The following ENKUR variants were observed in gnomAD, a reference collection of about 807,000 sequenced individuals.
The protein encoded by ENKUR is enkurin, TRPC channel interacting protein, also known as enkurin.
In ENKUR, 19 loss-of-function variants were observed where a neutral mutation model predicts 27.6. The observed-to-expected ratio is 0.69, with a 90% CI of 0.48 to 1.01. The LOEUF is 1.01. Ranked by LOEUF, ENKUR falls within the 50% of genes least tolerant of loss-of-function variation. ENKUR has a pLI of 0.00. For synonymous variants in ENKUR, 117 were observed against 96.9 expected (o/e 1.21, Z -1.22); for missense variants, 312 against 310.5 (o/e 1.00, Z -0.04).
chr10:25,027,153 G>A (rs189460397), intron 2 of ENKUR, among the ~76,000 whole-genome samples: 3,594 of 150,416 alleles, frequency 0.024, 136 homozygotes, highest in African/African-American at 0.083. Flanking sequence ...TCAGGAGTTC[G>A]AGACCAGCCT....
At chr10:25,042,363 C>T (rs969469600) in intron 2 of ENKUR, among the ~76,000 whole-genome samples, 1 of 151,192 alleles carries the variant, frequency 6.6e-6, no homozygotes, top group African/African-American at 2.4e-5. Flanking sequence ...ATCTCAGCAT[C>T]AGCTCACTGC....
rs117163433 is a variant in ENKUR at position 25,061,931 on chromosome 10, A to G, written c.-222+251T>C. Among the ~76,000 whole-genome samples, 671 of 152,246 alleles carry G rather than the reference A, an allele frequency of 4.4e-3. 6 individuals carry two copies. Among genetic ancestry groups the G allele is most frequent in the Non-Finnish European group, 7.4e-3 (500 of 68,008 alleles). ...GTTACTGGCACATGGAAGGCACCCA[A>G]TATGTATTTGCTGAGTCAGACTGCA... On this transcript the variant is annotated intron_variant, in intron 1 of 5. Transcript: ENST00000615958.
intron 2 of ENKUR, among the ~76,000 whole-genome samples, chr10:25,043,387 T>G (rs1851085840): frequency 6.6e-6 from 1 of 152,188 alleles, no homozygotes; most frequent in Non-Finnish European, 1.5e-5. Context: ...CTAATTATAA[T>G]TAATTTTTAA....
intron 2 of ENKUR, chr10:25,061,038 G>C (rs1324200461): frequency 2.2e-6 from 3 of 1,394,892 alleles, no homozygotes; most frequent in Non-Finnish European, 2.9e-6. Flanking sequence ...GATGAGACAA[G>C]GATATCTCTA....
rs528576316 is a variant in ENKUR at position 25,033,345 on chromosome 10, C to T, written c.37+27767G>A. On this transcript the variant is annotated intron_variant, in intron 2 of 5. Transcript: ENST00000615958. The stretch of plus-strand genomic sequence containing the variant: ...CTTGGGCTCAGGAATTTGAGGTTGC[C>T]GTGAGCTATGATTGTGCCACAGGTC... Among the ~76,000 whole-genome samples, 12 of 139,382 alleles carry T rather than the reference C, an allele frequency of 8.6e-5. No homozygotes were observed. The South Asian group carries it at 1.8e-3, about 21-fold the overall frequency. The allele number at this position is 139,382 out of a possible 152,430, so 91.4% of individuals were successfully genotyped here.
intron 2 of ENKUR, among the ~76,000 whole-genome samples, chr10:25,040,868 G>A (rs1851056709): frequency 1.3e-5 from 2 of 152,212 alleles, no homozygotes; most frequent in Non-Finnish European, 2.9e-5. Flanking sequence ...AGAACTTGCT[G>A]TGTAAATTCA....
chr10:25,058,090 C>T (rs1474565925), intron 2 of ENKUR, among the ~76,000 whole-genome samples: 2 of 152,046 alleles, frequency 1.3e-5, no homozygotes, highest in African/African-American at 4.8e-5. Context: ...TGAAACGCTT[C>T]GTGCCCAGAG....
intron 2 of ENKUR, among the ~76,000 whole-genome samples, chr10:25,044,773 G>A (rs1851104379): frequency 6.6e-6 from 1 of 152,192 alleles, no homozygotes; most frequent in East Asian, 1.9e-4. Flanking sequence ...GTTCTTTCCA[G>A]TTTCTAGTTA....
chr10:25,033,848 TATCTATCTATCTATCTATCA>T (rs1370677725), intron 2 of ENKUR, among the ~76,000 whole-genome samples: 1 of 150,206 alleles, frequency 6.7e-6, no homozygotes, highest in East Asian at 1.9e-4. Flanking sequence ...TCTATCTATC[TATCTATCTATCTATCTATCA>T]ATCATCTATT....
At chr10:25,013,170 G>A (rs1237786703) in intron 1 of ENKUR, among the ~76,000 whole-genome samples, 1 of 152,178 alleles carries the variant, frequency 6.6e-6, no homozygotes, top group African/African-American at 2.4e-5. Context: ...GTGAAACTGT[G>A]AGTCAATTAA....
chr10:25,005,186 G>T (rs1850284201), intron 1 of ENKUR, among the ~76,000 whole-genome samples: 1 of 152,074 alleles, frequency 6.6e-6, no homozygotes, highest in South Asian at 2.1e-4. Flanking sequence ...TTGAAGTCAG[G>T]CAGTGTCATG....
intron 2 of ENKUR, among the ~76,000 whole-genome samples, chr10:25,036,766 T>A (rs1205504043): frequency 6.6e-6 from 1 of 152,214 alleles, no homozygotes; most frequent in Non-Finnish European, 1.5e-5. Context: ...TAGAAGCTTG[T>A]CACAGTAATC....
rs1554774537 is a variant in ENKUR, at chr10:25,054,530, C to CTTT, written c.37+6581_37+6582insAAA. 2.1e-3 allele frequency among the ~76,000 whole-genome samples: 194 copies of CTTT among 90,422 alleles called. 1 individual carries two copies. Among genetic ancestry groups the CTTT allele is most frequent in the African/African-American group, 7.4e-3 (183 of 24,856 alleles). The allele number at this position is 90,422 out of a possible 152,430, so 59.3% of individuals were successfully genotyped here. ...CTTTCTTTCCTTTCTTTCTTTCTTTCCTTTCTTTCTTTCTTTCCTTTCTTT... is the reference window on the plus strand; with the variant it reads ...CTTTCTTTCCTTTCTTTCTTTCTTTCTTTCTTTCTTTCTTTCTTTCCTTTCTTT... On this transcript the variant is annotated intron_variant, in intron 2 of 5. Transcript: ENST00000615958.
At chr10:25,021,992 A>G (rs1309143356) in intron 2 of ENKUR, 1 of 152,222 alleles carries the variant, frequency 6.6e-6, no homozygotes, top group Admixed American at 6.5e-5. Context: ...AGTCAGTATT[A>G]CATGATTAAA....
At chr10:25,004,070 C>T (rs527464986) in intron 1 of ENKUR, among the ~76,000 whole-genome samples, 1 of 152,148 alleles carries the variant, frequency 6.6e-6, no homozygotes, top group African/African-American at 2.4e-5. Flanking sequence ...ATAATTTTTA[C>T]ATGTACACAT....
chr10:25,061,125 T>A, exon 2 of ENKUR: 5 of 1,536,064 alleles, frequency 3.3e-6, no homozygotes, highest in Non-Finnish European at 4.4e-6. Flanking sequence ...GGGAGCCACC[T>A]CCAGTCACCC....
chr10:25,041,289 C>T (rs1375461331), intron 2 of ENKUR, among the ~76,000 whole-genome samples: 2 of 152,096 alleles, frequency 1.3e-5, no homozygotes, highest in Non-Finnish European at 2.9e-5. Context: ...TGTCCTGTGT[C>T]TTTTTTTCCT....
At chr10:25,007,193 C>G (rs994016421) in intron 1 of ENKUR, among the ~76,000 whole-genome samples, 2 of 152,062 alleles carry the variant, frequency 1.3e-5, no homozygotes, top group Admixed American at 6.6e-5. Context: ...TTCTCATATA[C>G]AATATATTGT....
At chr10:25,054,235 A>AGT (rs1851219825) in intron 2 of ENKUR, among the ~76,000 whole-genome samples, 1 of 152,116 alleles carries the variant, frequency 6.6e-6, no homozygotes, top group South Asian at 2.1e-4. Flanking sequence ...AGCCTGGCCA[A>AGT]CATGGTAAAA....
Sources: gnomAD v4.1 joint callset for allele counts (sites outside exome capture counted in the v4.1 genomes callset) on GRCh38, gnomAD v4.1.1 for gene constraint, MANE v1.5 for transcripts, NCBI Gene and HGNC (gene_info 2026-07-23, HGNC 2026-07-21) for gene names.